The following KIAA0825 variants were observed in gnomAD, a reference collection of about 807,000 sequenced individuals.
KIAA0825 encodes uncharacterized protein KIAA0825.
A neutral mutation model predicts 147.6 loss-of-function variants in KIAA0825; 119 were observed. The observed-to-expected ratio is 0.81, with a 90% confidence interval of 0.69 to 0.94. The LOEUF (loss-of-function observed/expected upper bound fraction) is 0.94. Ranked by LOEUF, KIAA0825 falls within the 40% of genes least tolerant of loss-of-function variation. The pLI is 0.00. For missense variants in KIAA0825, 1,381 were observed against 1,472.7 expected, an observed-to-expected ratio of 0.94 and a Z score of 1.02; for synonymous variants, 470 against 518.1, an observed-to-expected ratio of 0.91 and a Z score of 1.26.
rs930868748 is a variant in KIAA0825, at chr5:94,611,527, G to T, written c.-153+6973C>A. ...AAATGACAAAAAGGTGGTGGGGGCT[G>T]GGGGGAAGGATCCTATGAAACTATA... On this transcript the variant is annotated intron_variant, in intron 1 of 20. Transcript: ENST00000682413. 8.0e-5 allele frequency among the ~76,000 whole-genome samples: 12 copies of T among 150,644 alleles called. No homozygotes were observed. The East Asian group carries it at 2.1e-3, about 27-fold the overall frequency.
chr5:94,462,649 G>T, intron 11 of KIAA0825, 80 bp from the exon 12 acceptor site: 1 of 717,376 alleles, frequency 1.4e-6, no homozygotes, highest in Non-Finnish European at 2.2e-6. Flanking sequence ...CATATCTCTT[G>T]TACTAAGCAT....
rs144455565 is a variant in KIAA0825 at position 94,422,310 on chromosome 5, A to G, written c.2498-4945T>C. On this transcript the variant is annotated intron_variant, in intron 14 of 20. Coordinates refer to ENST00000682413, the MANE Select transcript of KIAA0825 (RefSeq NM_001145678.3). ...CTCCTCTCTGAAAACACAGGGACACAGAGAAGAATGTGAGTAATCAGATCT... is the reference window on the plus strand; with the variant it reads ...CTCCTCTCTGAAAACACAGGGACACGGAGAAGAATGTGAGTAATCAGATCT... 6.3e-3 allele frequency among the ~76,000 whole-genome samples: 954 copies of G among 152,288 alleles called. 7 individuals are homozygous for G. The highest frequency in any genetic ancestry group is 0.01 in the Non-Finnish European group (695 of 68,010).
intron 2 of KIAA0825, among the ~76,000 whole-genome samples, chr5:94,550,541 T>C (rs539907456): frequency 6.6e-6 from 1 of 152,228 alleles, no homozygotes; most frequent in Admixed American, 6.5e-5. Flanking sequence ...AAAGGAAACA[T>C]GACACATTTG....
At chr5:94,363,705 A>G (rs573460849) in intron 20 of KIAA0825, among the ~76,000 whole-genome samples, 1 of 151,918 alleles carries the variant, frequency 6.6e-6, no homozygotes, top group Non-Finnish European at 1.5e-5. Context: ...TACAAAAAAA[A>G]TTTTTTTTAA....
chr5:94,519,306 TA>T (rs1263171543), intron 5 of KIAA0825: 1 of 906,090 alleles, frequency 1.1e-6, no homozygotes, highest in African/African-American at 1.8e-5. Context: ...CAAAGATCCA[TA>T]ATTCACCAAA....
chr5:94,526,622 C>T (rs751339980), intron 3 of KIAA0825, among the ~76,000 whole-genome samples: 1 of 151,664 alleles, frequency 6.6e-6, no homozygotes, highest in Non-Finnish European at 1.5e-5. Flanking sequence ...ATGGAGTATG[C>T]TTTTAAAAAA....
At chr5:94,600,034 G>A (rs541767891) in intron 1 of KIAA0825, among the ~76,000 whole-genome samples, 4 of 152,236 alleles carry the variant, frequency 2.6e-5, no homozygotes, top group African/African-American at 7.2e-5. Context: ...ATATTTCTCC[G>A]AGGAAGACAT....
intron 20 of KIAA0825, among the ~76,000 whole-genome samples, chr5:94,319,525 C>G (rs1779965637): frequency 6.6e-6 from 1 of 151,888 alleles, no homozygotes; most frequent in African/African-American, 2.4e-5. Flanking sequence ...TTCCCCAAAA[C>G]TTGATTCTCT....
At chr5:94,528,607 T>C (rs1238195532) in intron 3 of KIAA0825, among the ~76,000 whole-genome samples, 7 of 152,168 alleles carry the variant, frequency 4.6e-5, no homozygotes, top group Non-Finnish European at 7.4e-5. Flanking sequence ...CACAGATCAC[T>C]TCTTCTGCCT....
chr5:94,460,808 A>G (rs570646495), intron 12 of KIAA0825, among the ~76,000 whole-genome samples: 199 of 152,178 alleles, frequency 1.3e-3, no homozygotes, highest in African/African-American at 4.6e-3. Context: ...GATTAGATGT[A>G]TAGTCTAGGA....
intron 2 of KIAA0825, among the ~76,000 whole-genome samples, chr5:94,539,795 T>A (rs1462733443): frequency 6.6e-6 from 1 of 152,012 alleles, no homozygotes; most frequent in Non-Finnish European, 1.5e-5. Flanking sequence ...CCTTATAAGA[T>A]TTAGGGGTTA....
At chr5:94,298,619 A>G (rs1201966750) in intron 20 of KIAA0825, among the ~76,000 whole-genome samples, 1 of 152,172 alleles carries the variant, frequency 6.6e-6, no homozygotes, top group Non-Finnish European at 1.5e-5. Flanking sequence ...TCATTTTGTT[A>G]CTGCTTTTTC....
chr5:94,351,949 C>T (rs1783717597), intron 20 of KIAA0825, among the ~76,000 whole-genome samples: 6 of 152,234 alleles, frequency 3.9e-5, no homozygotes, highest in Admixed American at 3.3e-4. Flanking sequence ...GCACATAAAC[C>T]TAAGATCTGA....
At chr5:94,382,088 A>C (rs1748491666) in intron 20 of KIAA0825, among the ~76,000 whole-genome samples, 1 of 152,240 alleles carries the variant, frequency 6.6e-6, no homozygotes, top group South Asian at 2.1e-4. Context: ...TACCAATAAA[A>C]GGAGCAAAAA....
At chr5:94,564,765 T>C (rs543982095) in intron 2 of KIAA0825, among the ~76,000 whole-genome samples, 1 of 152,232 alleles carries the variant, frequency 6.6e-6, no homozygotes, top group East Asian at 1.9e-4. Flanking sequence ...TACTGTTCAC[T>C]ATGTATGAGG....
At chr5:94,524,244 G>T in intron 3 of KIAA0825, 146 bp from the exon 4 acceptor site, 1 of 456,802 alleles carries the variant, frequency 2.2e-6, no homozygotes, top group Non-Finnish European at 3.8e-6. Context: ...AATAATAACA[G>T]ACTATACATT....
intron 20 of KIAA0825, among the ~76,000 whole-genome samples, chr5:94,222,556 G>A (rs1474419281): frequency 6.6e-6 from 1 of 152,158 alleles, no homozygotes; most frequent in African/African-American, 2.4e-5. Context: ...TAGAAAAAGA[G>A]CAAGGATTTA....
intron 1 of KIAA0825, among the ~76,000 whole-genome samples, chr5:94,600,056 A>G (rs1275932133): frequency 2.0e-5 from 3 of 152,240 alleles, no homozygotes; most frequent in Admixed American, 1.3e-4. Context: ...TAAATGGCCA[A>G]TAAGTACATG....
In KIAA0825 at chr5:94,601,142, C is replaced by T. The variant is rs146067422; in HGVS notation, c.-153+17358G>A. On this transcript the variant is annotated intron_variant, in intron 1 of 20. Coordinates refer to ENST00000682413, the MANE Select transcript of KIAA0825 (RefSeq NM_001145678.3). ...CTGGCTGGATGACCCCAACTGGGGT[C>T]TCCAATTACCTCCTGCATGTACATT... Among the ~76,000 whole-genome samples, 71 of 152,266 alleles carry T rather than the reference C, an allele frequency of 4.7e-4. 1 individual carries two copies. In the East Asian group the frequency reaches 0.013, roughly 28 times the overall value.
Sources: gnomAD v4.1 joint callset for allele counts (sites outside exome capture counted in the v4.1 genomes callset) on GRCh38, gnomAD v4.1.1 for gene constraint, MANE v1.5 for transcripts, NCBI Gene and HGNC (gene_info 2026-07-23, HGNC 2026-07-21) for gene names.